Variants in NAA60 observed in about 807,000 individuals in gnomAD.
NAA60 encodes the protein N-alpha-acetyltransferase 60.
Under a neutral mutation model 26.1 loss-of-function variants are expected in NAA60, and 8 were observed. The ratio of observed to expected loss-of-function variants is 0.31; its 90% confidence interval spans 0.18 to 0.55. The LOEUF (loss-of-function observed/expected upper bound fraction) is 0.55. Among genes scored for constraint, NAA60 ranks in the 20% least tolerant of loss-of-function variants. The probability of loss-of-function intolerance (pLI) is 0.93; values close to 1 mark genes in which losing one functional copy is unlikely to be tolerated. For missense variants in NAA60, 290 were observed against 311.3 expected (o/e 0.93, Z 0.51); for synonymous variants, 131 against 122.5 (o/e 1.07, Z -0.46).
intron 4 of NAA60, 140 bp downstream of exon 4, chr16:3,479,740 A>C (rs1405142837): frequency 1.1e-6 from 1 of 923,390 alleles, no homozygotes; most frequent in African/African-American, 1.7e-5. Context: ...GGCCAACGAC[A>C]CTTGTCCCTG....
At chr16:3,460,701 C>T (rs1191443591) in intron 2 of NAA60, among the ~76,000 whole-genome samples, 1 of 152,206 alleles carries the variant, frequency 6.6e-6, no homozygotes, top group Admixed American at 6.5e-5. Context: ...TCCTGGTTTG[C>T]AGAAAGCAAG....
At chr16:3,470,960 G>A (rs78052080) in intron 2 of NAA60, among the ~76,000 whole-genome samples, 2,095 of 141,538 alleles carry the variant, frequency 0.015, 50 homozygotes, top group African/African-American at 0.052. Flanking sequence ...TAGGTGTGAC[G>A]CGTTTCCATT....
chr16:3,467,273 G>T (rs141458274), intron 2 of NAA60, among the ~76,000 whole-genome samples: 84 of 152,204 alleles, frequency 5.5e-4, no homozygotes, highest in African/African-American at 1.9e-3. Flanking sequence ...CAGGGTCTGG[G>T]AGCATGTTAG....
At position 3,475,847 on chromosome 16, in the gene NAA60, G is replaced by A. The variant is rs572777338; in HGVS notation, c.-6-375G>A. On this transcript the variant is annotated intron_variant, in intron 2 of 7. Coordinates refer to ENST00000407558, the MANE Select transcript of NAA60 (RefSeq NM_001083601.3). ...CCACAACTGTCACTGGCAGCCACTG[G>A]CTGGAGTTGAGAGAAGTCAGGCTGG... 7.2e-5 allele frequency among the ~76,000 whole-genome samples: 11 copies of A among 152,376 alleles called. No individual in the cohort carries two copies. The South Asian group carries it at 2.3e-3, about 32-fold the overall frequency.
rs756089335 is a variant in NAA60, at chr16:3,476,415, T to G, written c.110+78T>G. On this transcript the variant is annotated intron_variant, in intron 3 of 7. Coordinates refer to ENST00000407558, the MANE Select transcript of NAA60 (RefSeq NM_001083601.3). ...AAGCTGGGCGGCGGGGGTGGGGGCCTCTTGGGCCCTTAGGACCGTGCTGCA... is the reference window on the plus strand; with the variant it reads ...AAGCTGGGCGGCGGGGGTGGGGGCCGCTTGGGCCCTTAGGACCGTGCTGCA... 52 of 1,208,408 alleles carry G rather than the reference T, an allele frequency of 4.3e-5. 1 individual carries two copies. In the Admixed American group the frequency reaches 6.1e-4, roughly 14 times the overall value. 74.9% of individuals were successfully genotyped at this position (1,208,408 alleles called of 1,614,324 possible). A position where few individuals can be genotyped will look rare whatever the true frequency, so the allele number is the denominator to read the frequency against.
upstream of NAA60, chr16:3,443,632 G>T: frequency 1.0e-6 from 1 of 1,004,336 alleles, no homozygotes; most frequent in Non-Finnish European, 1.4e-6. Context: ...TGTAGCCACT[G>T]GGCAGCTGCG....
intron 3 of NAA60, among the ~76,000 whole-genome samples, chr16:3,477,200 C>T (rs1003137486): frequency 2.0e-5 from 3 of 152,032 alleles, no homozygotes; most frequent in African/African-American, 4.8e-5. Flanking sequence ...GGGTATGTAC[C>T]ATTTAACAGT....
rs1020393403 is a variant in NAA60 at position 3,458,268 on chromosome 16, CA to C, written c.-7+9729del. 44 of 856,474 alleles carry C rather than the reference CA, an allele frequency of 5.1e-5. No homozygotes were observed. In the Admixed American group the frequency reaches 1.4e-3, roughly 28 times the overall value. 53.1% of individuals were successfully genotyped at this position (856,474 alleles called of 1,614,324 possible). The stretch of plus-strand genomic sequence containing the variant: ...GTAGGCGGGGAGGCCGCGCCGGGGT[CA>C]GGGGGGCCAGCGCCCACCGGGTACG... On this transcript the variant is annotated intron_variant, in intron 2 of 7. Transcript: ENST00000407558.
intron 1 of NAA60, among the ~76,000 whole-genome samples, chr16:3,444,113 A>G (rs2034452040): frequency 6.6e-6 from 1 of 152,186 alleles, no homozygotes; most frequent in South Asian, 2.1e-4. Flanking sequence ...TCAGCTTCCT[A>G]GTCACAGGAT....
intron 2 of NAA60, among the ~76,000 whole-genome samples, chr16:3,472,779 C>T (rs1232771225): frequency 6.6e-6 from 1 of 152,172 alleles, no homozygotes; most frequent in Non-Finnish European, 1.5e-5. Context: ...ACGTGGCATA[C>T]CCGTTATCCA....
intron 2 of NAA60, among the ~76,000 whole-genome samples, chr16:3,469,794 A>G (rs1015218264): frequency 3.3e-5 from 5 of 152,224 alleles, no homozygotes; most frequent in African/African-American, 9.6e-5. Context: ...AGGTGGGCAC[A>G]TGAGGGTTCC....
intron 2 of NAA60, among the ~76,000 whole-genome samples, chr16:3,464,835 A>G (rs1174800794): frequency 6.6e-6 from 1 of 152,180 alleles, no homozygotes. Context: ...CCCAGCTGAA[A>G]GCATCGCTGG....
chr16:3,463,705 A>T lies in NAA60; in HGVS notation c.-6-12517A>T, dbSNP rs1011066394. ...CATAGGGAGACCCAGTCTCTACTTAAAAAAAAAAAAAAAATTCAACCTAGA... is the reference window on the plus strand; with the variant it reads ...CATAGGGAGACCCAGTCTCTACTTATAAAAAAAAAAAAAATTCAACCTAGA... On this transcript the variant is annotated intron_variant, in intron 2 of 7. Transcript: ENST00000407558. Among the ~76,000 whole-genome samples the T allele has an allele frequency of 2.6e-4, 19 of 73,196 alleles. No individual in the cohort carries two copies. The South Asian group carries it at 0.012, about 45-fold the overall frequency. 48.0% of individuals were successfully genotyped at this position (73,196 alleles called of 152,430 possible).
chr16:3,479,435 T>G (rs745929943), intron 3 of NAA60, 36 bp from the exon 4 acceptor site: 3 of 1,608,774 alleles, frequency 1.9e-6, no homozygotes, highest in Non-Finnish European at 2.5e-6. Context: ...GGACTTGACC[T>G]GTGGCAGGTT....
At chr16:3,474,433 G>A (rs542880956) in intron 2 of NAA60, among the ~76,000 whole-genome samples, 15 of 152,350 alleles carry the variant, frequency 9.8e-5, no homozygotes, top group South Asian at 2.1e-4. Flanking sequence ...TCTCCACTCC[G>A]CAGAGAAGGC....
chr16:3,462,595 C>T (rs1057232543), intron 2 of NAA60: 3 of 152,170 alleles, frequency 2.0e-5, no homozygotes, highest in Non-Finnish European at 4.4e-5. Context: ...TGTATACACA[C>T]AGAAAAGTGC....
intron 2 of NAA60, among the ~76,000 whole-genome samples, chr16:3,468,615 G>A (rs568612673): frequency 2.0e-5 from 3 of 152,348 alleles, no homozygotes; most frequent in Non-Finnish European, 2.9e-5. Flanking sequence ...TGTGAGTGCC[G>A]AGGCGCAAGC....
At chr16:3,473,665 G>T (rs551478749) in intron 2 of NAA60, among the ~76,000 whole-genome samples, 5 of 152,244 alleles carry the variant, frequency 3.3e-5, no homozygotes, top group African/African-American at 9.6e-5. Flanking sequence ...CTCCCAAAGT[G>T]CTAGGATTAC....
At chr16:3,457,162 C>G (rs2035034636) in intron 2 of NAA60, among the ~76,000 whole-genome samples, 1 of 152,248 alleles carries the variant, frequency 6.6e-6, no homozygotes, top group Admixed American at 6.5e-5. Context: ...ATATACAGCC[C>G]AGGTTGGTCG....
Sources: allele counts gnomAD v4.1 joint callset (sites outside exome capture counted in the v4.1 genomes callset), GRCh38; gene constraint gnomAD v4.1.1; transcripts MANE v1.5; gene names NCBI Gene and HGNC (gene_info 2026-07-23, HGNC 2026-07-21).